The following RNF121 variants were observed in gnomAD, a reference collection of about 807,000 sequenced individuals.
RNF121 encodes the protein E3 ubiquitin ligase RNF121.
Under a neutral mutation model 46.5 loss-of-function variants are expected in RNF121, and 21 were observed. That is an observed-to-expected ratio of 0.45 (90% CI 0.32 to 0.65). The LOEUF (loss-of-function observed/expected upper bound fraction) is 0.65. Among genes scored for constraint, RNF121 ranks in the 30% least tolerant of loss-of-function variants. RNF121 has a pLI of 0.04. For missense variants in RNF121, 346 were observed against 416.0 expected (o/e 0.83, Z 1.46); for synonymous variants, 139 against 144.7 (o/e 0.96, Z 0.28).
chr11:71,963,164 G>T (rs911951523), intron 3 of RNF121, among the ~76,000 whole-genome samples: 1 of 152,026 alleles, frequency 6.6e-6, no homozygotes, highest in Non-Finnish European at 1.5e-5. Context: ...CGGTTGTCTT[G>T]ACACTTTATT....
intron 1 of RNF121, among the ~76,000 whole-genome samples, chr11:71,949,638 C>A (rs942704530): frequency 1.2e-4 from 19 of 152,036 alleles, no homozygotes; most frequent in African/African-American, 4.3e-4. Context: ...ATCGCTTGAA[C>A]CCAGGAGACC....
intron 1 of RNF121, among the ~76,000 whole-genome samples, chr11:71,952,529 C>T (rs928201433): frequency 2.6e-5 from 4 of 152,130 alleles, no homozygotes; most frequent in African/African-American, 9.7e-5. Context: ...AAATACATGG[C>T]CAGGCTCGGT....
chr11:71,937,927 C>T (rs574780677), intron 1 of RNF121, among the ~76,000 whole-genome samples: 4 of 152,320 alleles, frequency 2.6e-5, no homozygotes, highest in African/African-American at 9.6e-5. Flanking sequence ...AGAGAAAAAT[C>T]TGTAGGTAAA....
chr11:71,981,826 A>G (rs956763735), intron 3 of RNF121, among the ~76,000 whole-genome samples: 3 of 152,222 alleles, frequency 2.0e-5, no homozygotes, highest in Admixed American at 6.5e-5. Flanking sequence ...GTTTAGAGGA[A>G]GTGGGAATAT....
rs1462212127 is a variant in RNF121, at chr11:71,965,457, G to T, written c.243+4566G>T. On this transcript the variant is annotated intron_variant, in intron 3 of 8. Coordinates refer to ENST00000361756, the MANE Select transcript of RNF121 (RefSeq NM_018320.5). Reference sequence around the variant, plus strand: ...ATAGAGATGGTTTTATGTTGTCCAGGCTGGTCAGGAACTCCTGGGCTGAAG... The same window carrying T: ...ATAGAGATGGTTTTATGTTGTCCAGTCTGGTCAGGAACTCCTGGGCTGAAG... 2.6e-5 allele frequency among the ~76,000 whole-genome samples: 4 copies of T among 151,950 alleles called. No homozygotes were observed. The East Asian group carries it at 5.8e-4, about 22-fold the overall frequency.
At chr11:71,948,898 A>C (rs1250243616) in intron 1 of RNF121, among the ~76,000 whole-genome samples, 1 of 151,512 alleles carries the variant, frequency 6.6e-6, no homozygotes, top group Admixed American at 6.6e-5. Flanking sequence ...CAGTATCTGA[A>C]CCCCACCAGA....
At chr11:71,986,054 C>G (rs1413667747) in intron 4 of RNF121, among the ~76,000 whole-genome samples, 1 of 152,192 alleles carries the variant, frequency 6.6e-6, no homozygotes, top group Non-Finnish European at 1.5e-5. Context: ...GCACACTACT[C>G]CTCCTTCAGG....
At chr11:71,986,624 C>T (rs1244627025) in intron 4 of RNF121, among the ~76,000 whole-genome samples, 2 of 151,894 alleles carry the variant, frequency 1.3e-5, no homozygotes, top group Admixed American at 6.5e-5. Flanking sequence ...TAAAAATTAG[C>T]CGGGTGTGGT....
intron 1 of RNF121, among the ~76,000 whole-genome samples, chr11:71,956,057 G>A (rs1406612183): frequency 6.6e-6 from 1 of 152,178 alleles, no homozygotes; most frequent in Non-Finnish European, 1.5e-5. Context: ...AAGGATGCCT[G>A]GTAAATATGT....
At chr11:71,960,298 A>G (rs949777008) in intron 2 of RNF121, among the ~76,000 whole-genome samples, 1 of 152,224 alleles carries the variant, frequency 6.6e-6, no homozygotes, top group Non-Finnish European at 1.5e-5. Flanking sequence ...GAATCAGCAC[A>G]CATTTGCAGC....
At chr11:71,937,478 A>G (rs975056581) in intron 1 of RNF121, among the ~76,000 whole-genome samples, 3 of 152,002 alleles carry the variant, frequency 2.0e-5, no homozygotes, top group African/African-American at 2.4e-5. Context: ...TGCCCAGCTA[A>G]TTTTTGTATT....
chr11:71,941,462 C>T (rs1465141855), intron 1 of RNF121, among the ~76,000 whole-genome samples: 1 of 152,144 alleles, frequency 6.6e-6, no homozygotes, highest in African/African-American at 2.4e-5. Context: ...TTCTAGGTCC[C>T]AGTAATTCAG....
intron 1 of RNF121, among the ~76,000 whole-genome samples, chr11:71,953,221 A>G (rs1027908879): frequency 3.3e-5 from 5 of 152,126 alleles, no homozygotes; most frequent in South Asian, 2.1e-4. Context: ...TTTTGTAGAG[A>G]TGGGTTCTCG....
chr11:71,930,390 A>G lies in RNF121; in HGVS notation c.63+1266A>G, dbSNP rs191723645. Among the ~76,000 whole-genome samples, 15 of 152,270 alleles carry G rather than the reference A, an allele frequency of 9.9e-5. 1 individual carries two copies. The highest frequency in any genetic ancestry group is 1.4e-4 in the African/African-American group (6 of 41,544). On this transcript the variant is annotated intron_variant, in intron 1 of 8. Transcript: ENST00000361756. The stretch of plus-strand genomic sequence containing the variant: ...AAGGGAGAAGTGGACTTGGGAAGCA[A>G]TAAGACTGTTGCCTGGTAGTGGGAT...
At chr11:71,982,647 G>T in intron 3 of RNF121, 114 bp from the exon 4 acceptor site, 1 of 1,207,226 alleles carries the variant, frequency 8.3e-7, no homozygotes, top group South Asian at 1.8e-5. Flanking sequence ...TTTATCCAAA[G>T]TTGTAAATAC....
chr11:71,950,069 T>C (rs1953834282), intron 1 of RNF121, among the ~76,000 whole-genome samples: 1 of 151,178 alleles, frequency 6.6e-6, no homozygotes, highest in African/African-American at 2.4e-5. Flanking sequence ...AAACAAAAAA[T>C]ATAAAAAAAA....
At chr11:71,991,776 G>A (rs1006934946) in intron 6 of RNF121, among the ~76,000 whole-genome samples, 3 of 152,088 alleles carry the variant, frequency 2.0e-5, no homozygotes, top group Non-Finnish European at 4.4e-5. Flanking sequence ...GTAGTGACTA[G>A]ACTAGAAAAA....
chr11:71,946,867 C>CTTT (rs34778760), intron 1 of RNF121, among the ~76,000 whole-genome samples: 2,448 of 98,322 alleles, frequency 0.025, 231 homozygotes, highest in African/African-American at 0.055. Flanking sequence ...TGCTCTGGCT[C>CTTT]TTTTTTTTTT....
intron 3 of RNF121, among the ~76,000 whole-genome samples, chr11:71,979,981 T>C (rs1954612845): frequency 6.6e-6 from 1 of 152,230 alleles, no homozygotes; most frequent in African/African-American, 2.4e-5. Flanking sequence ...TTTAGTTTCA[T>C]GAGTTGGGTT....
Sources: allele counts gnomAD v4.1 joint callset (sites outside exome capture counted in the v4.1 genomes callset), GRCh38; gene constraint gnomAD v4.1.1; transcripts MANE v1.5; gene names NCBI Gene and HGNC (gene_info 2026-07-23, HGNC 2026-07-21).